FSTL5: variants seen among roughly 807,000 people sequenced by gnomAD.
The protein encoded by FSTL5 is follistatin like 5.
A neutral mutation model predicts 89.1 loss-of-function variants in FSTL5; 62 were observed. The ratio of observed to expected loss-of-function variants is 0.70; its 90% CI spans 0.57 to 0.86. FSTL5 has a LOEUF of 0.86. FSTL5 is among the 40% of genes least tolerant of loss of function. The probability of loss-of-function intolerance (pLI) is 0.00; values close to 1 mark genes in which losing one functional copy is unlikely to be tolerated. For missense variants in FSTL5, 1,057 were observed against 1,001.6 expected (o/e 1.06, Z -0.75); for synonymous variants, 383 against 346.2 (o/e 1.11, Z -1.18).
intron 2 of FSTL5, among the ~76,000 whole-genome samples, chr4:162,091,697 CCT>C (rs1349345813): frequency 6.6e-6 from 1 of 151,918 alleles, no homozygotes; most frequent in Non-Finnish European, 1.5e-5. Context: ...TGTTGCCACC[CCT>C]GTCTCATGCA....
intron 7 of FSTL5, among the ~76,000 whole-genome samples, chr4:161,653,992 T>C (rs1256377092): frequency 1.3e-5 from 2 of 152,136 alleles, no homozygotes; most frequent in Non-Finnish European, 2.9e-5. Context: ...TTTTTAAAAT[T>C]CTCAAAATGT....
chr4:162,040,439 T>A (rs909978869), intron 2 of FSTL5, among the ~76,000 whole-genome samples: 1 of 151,956 alleles, frequency 6.6e-6, no homozygotes, highest in Non-Finnish European at 1.5e-5. Context: ...CAAAGCCACA[T>A]ACATACACAC....
chr4:161,573,772 A>T (rs1733116035), intron 8 of FSTL5, among the ~76,000 whole-genome samples: 1 of 151,144 alleles, frequency 6.6e-6, no homozygotes, highest in East Asian at 1.9e-4. Context: ...AGAAAATGAA[A>T]GAAAGACACA....
At chr4:161,762,506 T>C (rs141843619) in intron 5 of FSTL5, among the ~76,000 whole-genome samples, 37 of 152,296 alleles carry the variant, frequency 2.4e-4, no homozygotes, top group South Asian at 2.1e-4. Flanking sequence ...CACTGCCAGA[T>C]TCACTAAATA....
At chr4:162,003,392 C>A (rs67443016) in intron 3 of FSTL5, among the ~76,000 whole-genome samples, 15,075 of 152,044 alleles carry the variant, frequency 0.099, 861 homozygotes, top group East Asian at 0.15. Flanking sequence ...CATAATGTAT[C>A]CTAGATTCCT....
At chr4:162,120,289 T>C (rs1167611828) in intron 1 of FSTL5, among the ~76,000 whole-genome samples, 1 of 152,142 alleles carries the variant, frequency 6.6e-6, no homozygotes, top group Non-Finnish European at 1.5e-5. Flanking sequence ...ATGTTTATAC[T>C]CTGCTTTAAA....
At chr4:162,119,318 C>T (rs1315860731) in intron 1 of FSTL5, among the ~76,000 whole-genome samples, 1 of 151,802 alleles carries the variant, frequency 6.6e-6, no homozygotes, top group Non-Finnish European at 1.5e-5. Context: ...ACTAATTATT[C>T]ATACTGAATA....
chr4:161,804,149 C>T (rs774514179), intron 4 of FSTL5, among the ~76,000 whole-genome samples: 1 of 151,966 alleles, frequency 6.6e-6, no homozygotes, highest in Non-Finnish European at 1.5e-5. Flanking sequence ...TCCCTTCTGT[C>T]ACATCTCTCT....
At chr4:161,416,640 G>A (rs1731793839) in intron 15 of FSTL5, among the ~76,000 whole-genome samples, 1 of 151,970 alleles carries the variant, frequency 6.6e-6, no homozygotes, top group Non-Finnish European at 1.5e-5. Context: ...ATCAGGAGAT[G>A]GAGACCATCC....
chr4:161,767,931 TTAAC>T (rs752127861), intron 5 of FSTL5, among the ~76,000 whole-genome samples: 57 of 152,176 alleles, frequency 3.7e-4, no homozygotes, highest in South Asian at 1.4e-3. Context: ...GTGTAAAACT[TTAAC>T]TTTTTCAGAT....
At chr4:161,907,786 G>A (rs145685706) in intron 4 of FSTL5, among the ~76,000 whole-genome samples, 3 of 152,100 alleles carry the variant, frequency 2.0e-5, no homozygotes, top group Non-Finnish European at 4.4e-5. Context: ...AGCTGCAGGA[G>A]GTTAGCGTGC....
chr4:161,702,581 T>C (rs997581157), intron 6 of FSTL5, among the ~76,000 whole-genome samples: 2 of 152,260 alleles, frequency 1.3e-5, no homozygotes, highest in Admixed American at 6.5e-5. Context: ...TAATAACAGA[T>C]ATGACTAACT....
At chr4:161,395,881 G>A (rs1400312399) in intron 15 of FSTL5, among the ~76,000 whole-genome samples, 1 of 152,106 alleles carries the variant, frequency 6.6e-6, no homozygotes, top group East Asian at 1.9e-4. Flanking sequence ...GAGACAAACA[G>A]TTGAACTAAT....
chr4:161,760,594 G>A (rs186737104), intron 5 of FSTL5, among the ~76,000 whole-genome samples: 9 of 152,212 alleles, frequency 5.9e-5, no homozygotes, highest in Admixed American at 2.6e-4. Flanking sequence ...ACAGAGTCAG[G>A]TGTAAGACAT....
intron 7 of FSTL5, among the ~76,000 whole-genome samples, chr4:161,653,445 A>G (rs1578997336): frequency 6.6e-6 from 1 of 152,224 alleles, no homozygotes; most frequent in East Asian, 1.9e-4. Flanking sequence ...TTATTTACGT[A>G]TCTGCTCCCT....
At chr4:162,083,470 G>C (rs1328392567) in intron 2 of FSTL5, among the ~76,000 whole-genome samples, 1 of 151,624 alleles carries the variant, frequency 6.6e-6, no homozygotes, top group Non-Finnish European at 1.5e-5. Context: ...TTTAGGGTTA[G>C]ATAAATATAC....
chr4:162,083,516 G>A (rs1730185215), intron 2 of FSTL5, among the ~76,000 whole-genome samples: 2 of 150,778 alleles, frequency 1.3e-5, no homozygotes, highest in South Asian at 4.2e-4. Flanking sequence ...AAATTACACA[G>A]CTTTATTAAA....
At chr4:161,709,943 C>T (rs976763767) in intron 6 of FSTL5, among the ~76,000 whole-genome samples, 1 of 151,804 alleles carries the variant, frequency 6.6e-6, no homozygotes, top group African/African-American at 2.4e-5. Context: ...TTTTAGTATT[C>T]CATGTTTGAA....
rs1219883195 is a variant in FSTL5, at chr4:161,561,188, TTAGATGA to T, written c.1016-18502_1016-18496del. On this transcript the variant is annotated intron_variant, in intron 8 of 15. Coordinates refer to ENST00000306100, the MANE Select transcript of FSTL5 (RefSeq NM_020116.5). ...TTGTTGTGCAGTGCATAACTGTATT[TTAGATGA>T]TAGATAGATAGATAGATAGATACAT... Among the ~76,000 whole-genome samples the T allele has an allele frequency of 1.5e-4, 18 of 117,840 alleles. No individual in the cohort carries two copies. The East Asian group carries it at 4.6e-3, about 30-fold the overall frequency. The allele number at this position is 117,840 out of a possible 152,430, so 77.3% of individuals were successfully genotyped here.
Sources: allele counts gnomAD v4.1 joint callset (sites outside exome capture counted in the v4.1 genomes callset), GRCh38; gene constraint gnomAD v4.1.1; transcripts MANE v1.5; gene names NCBI Gene and HGNC (gene_info 2026-07-23, HGNC 2026-07-21).